Variants in ADGRE5 observed in about 807,000 individuals in gnomAD.
ADGRE5 encodes the protein CD97 molecule.
ADGRE5 carries 72 observed loss-of-function variants against 100.3 expected under a neutral mutation model. The ratio of observed to expected loss-of-function variants is 0.72; its 90% CI spans 0.59 to 0.87. The LOEUF (loss-of-function observed/expected upper bound fraction) is 0.87. Among genes scored for constraint, ADGRE5 ranks in the 40% least tolerant of loss-of-function variants. The pLI, the probability that ADGRE5 is intolerant of heterozygous loss-of-function variation, is 0.00. For missense variants in ADGRE5, 959 were observed against 1,094.7 expected (o/e 0.88, Z 1.75); for synonymous variants, 439 against 447.8 (o/e 0.98, Z 0.25).
chr19:14,387,646 T>A (rs1166182248), intron 1 of ADGRE5, among the ~76,000 whole-genome samples: 1 of 151,606 alleles, frequency 6.6e-6, no homozygotes, highest in Non-Finnish European at 1.5e-5. Flanking sequence ...GAGAATGGCA[T>A]GAACCCAGGA....
intron 1 of ADGRE5, among the ~76,000 whole-genome samples, chr19:14,385,973 A>G (rs1975334238): frequency 6.6e-6 from 1 of 151,492 alleles, no homozygotes; most frequent in Admixed American, 6.6e-5. Context: ...GTTTCACCAT[A>G]TTAGGCAGGC....
At chr19:14,402,524 G>C in intron 11 of ADGRE5, 73 bp from the exon 12 acceptor site, 1 of 1,527,622 alleles carries the variant, frequency 6.5e-7, no homozygotes, top group Non-Finnish European at 9.0e-7. Flanking sequence ...CCTGAGCTGG[G>C]TCATCTTGGG....
intron 5 of ADGRE5, 77 bp downstream of exon 5, chr19:14,396,550 G>C (rs114595785): frequency 6.3e-7 from 1 of 1,585,196 alleles, no homozygotes; most frequent in African/African-American, 1.4e-5. Context: ...CAAAGCAGCC[G>C]AGGAGGAGGG....
chr19:14,402,423 A>G lies in ADGRE5; in HGVS notation c.1184-174A>G, dbSNP rs113398206. 1.0e-2 allele frequency among the ~76,000 whole-genome samples: 1,513 copies of G among 151,782 alleles called. 32 individuals carry two copies. The highest frequency in any genetic ancestry group is 0.036 in the African/African-American group (1,470 of 41,408). ...GCACTCCAGCCTGGGCGAAAGAGCG[A>G]AACTCCGTCTCAAAAAAAAAAAAAC... On this transcript the variant is annotated intron_variant, in intron 11 of 19. Transcript: ENST00000242786.
rs1976027264 is a variant in ADGRE5, at chr19:14,401,865, T to C, written c.1183+105T>C. ...AGAACAACTGACTGGGCGCGGTGGC[T>C]CACGCCTGCAATCCCAGCATTTTGG... On this transcript the variant is annotated intron_variant, in intron 11 of 19. Coordinates refer to ENST00000242786, the MANE Select transcript of ADGRE5 (RefSeq NM_078481.4). This position sits in a 1 kb window ranked among gnomAD's most constrained non-coding sequence, Gnocchi z 4.1. The C allele has an allele frequency of 4.3e-6, 3 of 704,434 alleles. No individual in the cohort carries two copies. The highest frequency in any genetic ancestry group is 3.7e-5 in the African/African-American group (2 of 54,676). The allele number at this position is 704,434 out of a possible 1,614,324, so 43.6% of individuals were successfully genotyped here.
At position 14,401,263 on chromosome 19, in the gene ADGRE5, C is replaced by T; in HGVS notation, c.898-123C>T. 1.3e-6 allele frequency: 1 copy of T among 748,030 alleles called. No homozygotes were observed. Among genetic ancestry groups the T allele is most frequent in the South Asian group, 1.8e-5 (1 of 54,080 alleles). The allele number at this position is 748,030 out of a possible 1,614,324, so 46.3% of individuals were successfully genotyped here. On this transcript the variant is annotated intron_variant, in intron 9 of 19. Coordinates refer to ENST00000242786, the MANE Select transcript of ADGRE5 (RefSeq NM_078481.4). The surrounding 1 kb of genome is among the most constrained non-coding windows in gnomAD (Gnocchi z 4.1). ...GCTTGTTTTCTGGTTACTGCATCAT[C>T]TCAGTGATTCCCTTGTGCCTGTGGG...
chr19:14,400,438 A>G (rs1975964158), intron 9 of ADGRE5, among the ~76,000 whole-genome samples: 1 of 152,080 alleles, frequency 6.6e-6, no homozygotes, highest in Non-Finnish European at 1.5e-5. Flanking sequence ...ACAGGCGTGC[A>G]CCACCGTGCC....
At chr19:14,394,258 C>T (rs1399520477) in intron 4 of ADGRE5, among the ~76,000 whole-genome samples, 1 of 152,154 alleles carries the variant, frequency 6.6e-6, no homozygotes, top group African/African-American at 2.4e-5. Context: ...TGGAGCAGGA[C>T]CTATGACCAG....
In ADGRE5 at chr19:14,401,373, C is replaced by G. The variant is rs568055964; in HGVS notation, c.898-13C>G. ...CTGATGCTCCAGCGATTCTGTCACC[C>G]GCCACCCCCTAGAATGTCATCAAAT... On this transcript the variant is annotated splice_polypyrimidine_tract_variant and intron_variant, in intron 9 of 19. Coordinates refer to ENST00000242786, the MANE Select transcript of ADGRE5 (RefSeq NM_078481.4). This position sits in a 1 kb window ranked among gnomAD's most constrained non-coding sequence, Gnocchi z 4.1. The G allele has an allele frequency of 6.2e-7, 1 of 1,611,960 alleles. No homozygotes were observed. Among genetic ancestry groups the G allele is most frequent in the South Asian group, 1.1e-5 (1 of 90,820 alleles).
At position 14,407,941 on chromosome 19, in the gene ADGRE5, G is replaced by A. The variant is rs775811895; in HGVS notation, c.2410G>A (p.Val804Ile). The A allele has an allele frequency of 6.2e-7, 1 of 1,614,172 alleles. No individual in the cohort carries two copies. The highest frequency in any genetic ancestry group is 2.2e-5 in the East Asian group (1 of 44,886). ...REEYRKWACL[V>I]AGGSKYSEFT... ...AGAATACCGGAAGTGGGCCTGCCTAGTTGCTGGGGGGAGCAAGTACTCAGA... is the reference window on the plus strand; with the variant it reads ...AGAATACCGGAAGTGGGCCTGCCTAATTGCTGGGGGGAGCAAGTACTCAGA... The change falls in exon 19 of 20, where the codon GTT (valine) becomes ATT (isoleucine). Residue 804 changes from valine (V) to isoleucine (I), a missense_variant. Physicochemically the swap from Val to Ile is conservative, Grantham distance 29. This residue lies in a region of ADGRE5 where 428 missense variants were observed against 386.2 expected (regional missense o/e 1.11). Transcript: ENST00000242786.
At chr19:14,391,782 T>A (rs185223484) in intron 4 of ADGRE5, among the ~76,000 whole-genome samples, 22 of 151,574 alleles carry the variant, frequency 1.5e-4, no homozygotes, top group Admixed American at 6.6e-4. Flanking sequence ...GGCAGGATTT[T>A]AAAAAATTAA....
chr19:14,408,038 G>T, intron 19 of ADGRE5, 29 bp downstream of exon 19: 1 of 1,614,086 alleles, frequency 6.2e-7, no homozygotes, highest in Non-Finnish European at 8.5e-7. Flanking sequence ...GGCGGGTGTG[G>T]GCAGGAAGGC....
At chr19:14,397,256 C>G in intron 6 of ADGRE5, 33 bp downstream of exon 6, 1 of 1,613,708 alleles carries the variant, frequency 6.2e-7, no homozygotes, top group Non-Finnish European at 8.5e-7. Flanking sequence ...TTCTAGCGAC[C>G]CACAAACATC....
In ADGRE5 at chr19:14,398,155, T is replaced by A. The variant is rs1426990466; in HGVS notation, c.897+16T>A. 3 of 1,612,724 alleles carry A rather than the reference T, an allele frequency of 1.9e-6. No individual in the cohort carries two copies. The highest frequency in any genetic ancestry group is 1.7e-6 in the Non-Finnish European group (2 of 1,178,818). ...CACCATCCAGGTAAGGGCAGGATGC[T>A]GGGGGACCCCAGGACAGTGTAGAAT... On this transcript the variant is annotated intron_variant, in intron 9 of 19. Coordinates refer to ENST00000242786, the MANE Select transcript of ADGRE5 (RefSeq NM_078481.4).
At chr19:14,381,688 A>T in intron 1 of ADGRE5, 143 bp downstream of exon 1, 1 of 998,124 alleles carries the variant, frequency 1.0e-6, no homozygotes, top group Non-Finnish European at 1.4e-6. Context: ...ACTCACGGGC[A>T]CACGGCGAGA....
At position 14,405,776 on chromosome 19, in the gene ADGRE5, T is replaced by C; in HGVS notation, c.1658T>C (p.Val553Ala). The change falls in exon 14 of 20, where the codon GTG becomes GCG. Residue 553 changes from valine to alanine, a missense_variant. Transcript: ENST00000242786. ...EDWKLTLITR[V>A]GLALSLFCLL... The stretch of plus-strand genomic sequence containing the variant: ...TGGAAGCTGACCCTGATCACCAGGG[T>C]GGGACTGGCGCTGTCACTCTTCTGC... The C allele has an allele frequency of 6.2e-7, 1 of 1,613,584 alleles. No individual in the cohort carries two copies. Among genetic ancestry groups the C allele is most frequent in the Non-Finnish European group, 8.5e-7 (1 of 1,179,838 alleles).
chr19:14,405,826 C>T lies in ADGRE5; in HGVS notation c.1708C>T (p.Leu570=). The change falls in exon 14 of 20, where the codon CTG becomes TTG. Residue 570 remains leucine (L), a synonymous_variant. Transcript: ENST00000242786. Reference sequence around the variant, plus strand: ...CCTGCTGCTGTGCATCCTCACTTTCCTGCTGGTGCGGCCCATCCAGGGCTC... The same window carrying T: ...CCTGCTGCTGTGCATCCTCACTTTCTTGCTGGTGCGGCCCATCCAGGGCTC... ...FCLLLCILTF[L]LVRPIQGSRT... is the part of the protein sequence containing the mutation. 3 of 1,613,786 alleles carry T rather than the reference C, an allele frequency of 1.9e-6. No individual in the cohort carries two copies. The highest frequency in any genetic ancestry group is 2.5e-6 in the Non-Finnish European group (3 of 1,180,004).
At chr19:14,385,957 G>GA in intron 1 of ADGRE5, among the ~76,000 whole-genome samples, 1 of 151,908 alleles carries the variant, frequency 6.6e-6, no homozygotes, top group African/African-American at 2.4e-5. Context: ...TTTCAGTAGA[G>GA]AGGGGGTTTC....
chr19:14,395,560 C>T lies in ADGRE5; in HGVS notation c.347-782C>T, dbSNP rs576606175. On this transcript the variant is annotated intron_variant, in intron 4 of 19. Transcript: ENST00000242786. ...GATACATCTGCCACCCCTCACCCAT[C>T]GGCACCTGTGCCCTCTCTAGCCACA... 5.0e-3 allele frequency among the ~76,000 whole-genome samples: 764 copies of T among 152,330 alleles called. 5 individuals are homozygous for T. Among genetic ancestry groups the T allele is most frequent in the Non-Finnish European group, 7.8e-3 (531 of 68,024 alleles).
Sources: allele counts gnomAD v4.1 joint callset (sites outside exome capture counted in the v4.1 genomes callset), GRCh38; gene constraint gnomAD v4.1.1; regional missense constraint gnomAD v4.1.1; non-coding constraint Gnocchi (gnomAD v3.1); transcripts MANE v1.5; gene names NCBI Gene and HGNC (gene_info 2026-07-23, HGNC 2026-07-21).